The following ATIC variants were observed in gnomAD, a reference collection of about 807,000 sequenced individuals.
The protein encoded by ATIC is 5-aminoimidazole-4-carboxamide ribonucleotide formyltransferase/IMP cyclohydrolase.
ATIC carries 64 observed loss-of-function variants against 72.5 expected under a neutral mutation model. That is an observed-to-expected ratio of 0.88 (90% CI 0.72 to 1.09). The LOEUF (loss-of-function observed/expected upper bound fraction) is 1.09. Among genes scored for constraint, ATIC ranks in the 50% least tolerant of loss-of-function variants. The pLI is 0.00. For synonymous variants in ATIC, 281 were observed against 267.1 expected, an observed-to-expected ratio of 1.05 and a Z score of -0.51; for missense variants, 787 against 732.4, an observed-to-expected ratio of 1.07 and a Z score of -0.86.
chr2:215,365,466 T>A, the ATIC span: 4 of 1,605,566 alleles, frequency 2.5e-6, no homozygotes, highest in Non-Finnish European at 3.4e-6. Context: ...AAAGTGAGAA[T>A]GCTTAATAAG....
intron 2 of ATIC, among the ~76,000 whole-genome samples, chr2:215,316,233 GTGAC>G: frequency 6.6e-6 from 1 of 152,250 alleles, no homozygotes; most frequent in Admixed American, 6.5e-5. Context: ...TAAGTTTTAA[GTGAC>G]TGTCTTCATT....
Position 215,344,778 on chromosome 2 carries a change from G to T in ATIC, c.1228-1G>T. ...AATTTACCATTGTGTATGTGTTTCA[G>T]TTGCCAGAGTCTGCCCTCCGAGACC... On this transcript the variant is annotated splice_acceptor_variant, in intron 12 of 15. Coordinates refer to ENST00000236959, the MANE Select transcript of ATIC (RefSeq NM_004044.7). LOFTEE classifies it high-confidence loss of function. 2 of 1,613,710 alleles carry T rather than the reference G, an allele frequency of 1.2e-6. No individual in the cohort carries two copies. Among genetic ancestry groups the T allele is most frequent in the Middle Eastern group, 1.6e-4 (1 of 6,062 alleles).
chr2:215,349,506 G>A (rs565328797), intron 15 of ATIC, 30 bp from the exon 16 acceptor site: 19 of 1,613,818 alleles, frequency 1.2e-5, no homozygotes, highest in South Asian at 4.4e-5. Context: ...ACATAAAATC[G>A]CGTTTTGAAA....
At chr2:215,328,810 C>T (rs1362301955) in intron 7 of ATIC, among the ~76,000 whole-genome samples, 3 of 152,074 alleles carry the variant, frequency 2.0e-5, no homozygotes, top group East Asian at 3.9e-4. Flanking sequence ...CTCCACCTCC[C>T]GGGTTGAAGT....
At chr2:215,338,755 T>C (rs755629565) in intron 11 of ATIC, 24 bp from the exon 12 acceptor site, 4 of 1,611,228 alleles carry the variant, frequency 2.5e-6, no homozygotes, top group Non-Finnish European at 3.4e-6. Context: ...AGATTAACTT[T>C]AACTTTTAAA....
rs1359277148 is a variant in ATIC at position 215,312,078 on chromosome 2, C to G, written c.-65C>G. 1 of 1,529,188 alleles carries G rather than the reference C, an allele frequency of 6.5e-7. No homozygotes were observed. The highest frequency in any genetic ancestry group is 2.0e-5 in the Admixed American group (1 of 50,746). 94.7% of individuals were successfully genotyped at this position (1,529,188 alleles called of 1,614,324 possible). On this transcript the variant is annotated 5_prime_UTR_variant, in exon 1 of 16. Transcript: ENST00000236959. ...TGAGCCGCCACATCCCGGCAGCCCT[C>G]CTACCTGCGCACGTGGTGCCGCCGC... is the stretch of plus-strand genomic sequence containing the variant.
chr2:215,335,156 A>G, intron 10 of ATIC, 152 bp downstream of exon 10: 1 of 423,230 alleles, frequency 2.4e-6, no homozygotes, highest in Non-Finnish European at 4.0e-6. Flanking sequence ...TAAATAGAAC[A>G]TTAATCTTAA....
the ATIC span, among the ~76,000 whole-genome samples, chr2:215,355,848 CTT>C: frequency 6.6e-6 from 1 of 152,202 alleles, no homozygotes; most frequent in Non-Finnish European, 1.5e-5. Flanking sequence ...CTTTGTGCCT[CTT>C]AGGATAATCA....
At chr2:215,367,949 T>G in the ATIC span, 1 of 1,613,998 alleles carries the variant, frequency 6.2e-7, no homozygotes, top group African/African-American at 1.3e-5. Context: ...TCGTTCCCAC[T>G]CATCTCCAAC....
chr2:215,317,411 G>A (rs1050991079), intron 2 of ATIC, among the ~76,000 whole-genome samples: 5 of 152,162 alleles, frequency 3.3e-5, no homozygotes, highest in East Asian at 1.9e-4. Context: ...GGTTTAACCC[G>A]TTATTCCAAT....
Position 215,333,450 on chromosome 2 carries a change from A to G in ATIC, c.915A>G (p.Arg305=), listed in dbSNP as rs1559274373. 6.2e-7 allele frequency: 1 copy of G among 1,613,892 alleles called. No homozygotes were observed. ...TLTPISAAYA[R]ARGADRMSSF... ...CACCCATCTCAGCGGCATATGCAAG[A>G]GCAAGAGGTCAGACTCATAGGGCTT... Residue 305 remains arginine (R), a synonymous_variant, in exon 9 of 16, where the codon AGA becomes AGG. Transcript: ENST00000236959.
intron 12 of ATIC, among the ~76,000 whole-genome samples, chr2:215,341,346 G>A (rs1048503490): frequency 2.0e-5 from 3 of 152,124 alleles, no homozygotes; most frequent in South Asian, 2.1e-4. Flanking sequence ...CCTAGCTACT[G>A]AGAGTCTTTT....
intron 12 of ATIC, among the ~76,000 whole-genome samples, chr2:215,339,271 A>G (rs2052990832): frequency 6.6e-6 from 1 of 152,182 alleles, no homozygotes; most frequent in Non-Finnish European, 1.5e-5. Flanking sequence ...TGTAATCCCA[A>G]CACTTTGGTA....
Position 215,328,294 on chromosome 2 carries a change from G to A in ATIC, c.688+1316G>A, listed in dbSNP as rs79481721. ...TCTCTCGGCCTTTCTGGGCTTCACAGCACAGTAATCTTTTAAAAATGGAAA... is the reference window on the plus strand; with the variant it reads ...TCTCTCGGCCTTTCTGGGCTTCACAACACAGTAATCTTTTAAAAATGGAAA... On this transcript the variant is annotated intron_variant, in intron 7 of 15. Transcript: ENST00000236959. Among the ~76,000 whole-genome samples, 777 of 152,252 alleles carry A rather than the reference G, an allele frequency of 5.1e-3. 6 individuals are homozygous for A. The highest frequency in any genetic ancestry group is 0.018 in the African/African-American group (742 of 41,528).
At chr2:215,322,580 C>T (rs757685710) in intron 4 of ATIC, among the ~76,000 whole-genome samples, 87 of 152,026 alleles carry the variant, frequency 5.7e-4, no homozygotes, top group Non-Finnish European at 9.3e-4. Flanking sequence ...GATCCACCTG[C>T]CTCGGTCTCC....
At chr2:215,317,151 T>C (rs2052719029) in intron 2 of ATIC, among the ~76,000 whole-genome samples, 1 of 152,240 alleles carries the variant, frequency 6.6e-6, no homozygotes, top group African/African-American at 2.4e-5. Context: ...GTTACGACTT[T>C]CTAGGGGTCT....
At chr2:215,357,140 A>G in the ATIC span, among the ~76,000 whole-genome samples, 2 of 152,204 alleles carry the variant, frequency 1.3e-5, no homozygotes, top group African/African-American at 4.8e-5. Context: ...TTACATCTGA[A>G]GCTGAATTAC....
chr2:215,320,588 A>ATTTTTTTTTTTTTTTTTTTTTTTTTTTT, intron 4 of ATIC, among the ~76,000 whole-genome samples: 1 of 151,650 alleles, frequency 6.6e-6, no homozygotes, highest in Admixed American at 6.6e-5. Context: ...ATTTAATTTA[A>ATTTTTTTTTTTTTTTTTTTTTTTTTTTT]TTTTATTTTG....
intron 7 of ATIC, among the ~76,000 whole-genome samples, chr2:215,329,029 T>G (rs2052861486): frequency 6.6e-6 from 1 of 152,194 alleles, no homozygotes; most frequent in South Asian, 2.1e-4. Flanking sequence ...GATGTCAGCT[T>G]TTGAGAGCAG....
Sources: allele counts gnomAD v4.1 joint callset (sites outside exome capture counted in the v4.1 genomes callset), GRCh38; gene constraint gnomAD v4.1.1; transcripts MANE v1.5; gene names NCBI Gene and HGNC (gene_info 2026-07-23, HGNC 2026-07-21).